Variants in KCND3 observed in about 807,000 individuals in gnomAD.
KCND3 encodes A-type voltage-gated potassium channel KCND3.
A neutral mutation model predicts 51.1 loss-of-function variants in KCND3; 9 were observed. The ratio of observed to expected loss-of-function variants is 0.18; its 90% CI spans 0.11 to 0.31. The LOEUF is 0.31. Ranked by LOEUF, KCND3 falls within the 10% of genes least tolerant of loss-of-function variation. The pLI is 1.00. For synonymous variants in KCND3, 349 were observed against 368.0 expected (o/e 0.95, Z 0.59); for missense variants, 526 against 903.8 (o/e 0.58, Z 5.36).
rs115404274 is a variant in KCND3 at position 111,973,951 on chromosome 1, T to C, written c.1106+7670A>G. Among the ~76,000 whole-genome samples the C allele has an allele frequency of 7.1e-3, 1,083 of 152,340 alleles. 10 individuals are homozygous for C. Among genetic ancestry groups the C allele is most frequent in the African/African-American group, 0.025 (1,025 of 41,566 alleles). On this transcript the variant is annotated intron_variant, in intron 2 of 7. Transcript: ENST00000302127. Reference sequence around the variant, plus strand: ...TAGCTTGTGTATGAGGTGGCACTTATATTAAAATGATTTTTCTGATTCAGT... The same window carrying C: ...TAGCTTGTGTATGAGGTGGCACTTACATTAAAATGATTTTTCTGATTCAGT...
intron 2 of KCND3, among the ~76,000 whole-genome samples, chr1:111,808,478 G>A (rs145833727): frequency 1.1e-3 from 167 of 152,346 alleles, no homozygotes; most frequent in South Asian, 0.01. Context: ...AAATGCAAGG[G>A]CTTGCTTATG....
intron 2 of KCND3, among the ~76,000 whole-genome samples, chr1:111,886,068 T>C (rs906945935): frequency 2.6e-5 from 4 of 152,240 alleles, no homozygotes; most frequent in Non-Finnish European, 4.4e-5. Flanking sequence ...TCAAATGCAA[T>C]GCAATTGAAC....
rs369361457 is a variant in KCND3 at position 111,981,686 on chromosome 1, C to T, written c.1041G>A (p.Ser347=). Residue 347 remains serine (S), a synonymous_variant, in exon 2 of 8, where the codon TCG becomes TCA. Transcript: ENST00000302127. This position sits in a 1 kb window ranked among gnomAD's most constrained non-coding sequence, Gnocchi z 6.2. The stretch of plus-strand genomic sequence containing the variant: ...CAGGGATGCTTGTGAACTTGCTGGC[C>T]GAGGAGCCCTTCTCGGCATAAAACA... ...TVMFYAEKGS[S]ASKFTSIPAS... is the part of the protein sequence containing the mutation. 46 of 1,614,042 alleles carry T rather than the reference C, an allele frequency of 2.8e-5. No individual in the cohort carries two copies. The highest frequency in any genetic ancestry group is 3.6e-5 in the Non-Finnish European group (43 of 1,180,010).
At chr1:111,929,385 G>A (rs1402503016) in intron 2 of KCND3, among the ~76,000 whole-genome samples, 1 of 152,216 alleles carries the variant, frequency 6.6e-6, no homozygotes, top group Non-Finnish European at 1.5e-5. Flanking sequence ...AATCAGGGAA[G>A]TCATTCAAGC....
chr1:111,956,813 G>C (rs1673366380), intron 2 of KCND3, among the ~76,000 whole-genome samples: 1 of 152,178 alleles, frequency 6.6e-6, no homozygotes, highest in Admixed American at 6.5e-5. Flanking sequence ...AATGAGGACA[G>C]TAGCCCTATC....
chr1:111,869,038 G>C (rs1224152321), intron 2 of KCND3, among the ~76,000 whole-genome samples: 1 of 152,070 alleles, frequency 6.6e-6, no homozygotes, highest in Non-Finnish European at 1.5e-5. Flanking sequence ...TGACTCCAAG[G>C]CCTGTCCCCT....
At chr1:111,940,127 C>A (rs1672443180) in intron 2 of KCND3, among the ~76,000 whole-genome samples, 1 of 102,546 alleles carries the variant, frequency 9.8e-6, no homozygotes, top group African/African-American at 3.7e-5. Flanking sequence ...GGATATTAGC[C>A]CTTTGTCAGA....
At chr1:111,980,235 T>G (rs1185980991) in intron 2 of KCND3, among the ~76,000 whole-genome samples, 3 of 151,824 alleles carry the variant, frequency 2.0e-5, no homozygotes, top group East Asian at 1.9e-4. Flanking sequence ...TGTGTGTGTG[T>G]GTGGGTTGGA....
At chr1:111,975,520 C>T (rs1244186413) in intron 2 of KCND3, among the ~76,000 whole-genome samples, 2 of 152,176 alleles carry the variant, frequency 1.3e-5, no homozygotes, top group African/African-American at 4.8e-5. Context: ...CACCCTCAGT[C>T]CCAGCCACCT....
At chr1:111,836,359 G>T (rs1259107596) in intron 2 of KCND3, among the ~76,000 whole-genome samples, 1 of 152,164 alleles carries the variant, frequency 6.6e-6, no homozygotes, top group Non-Finnish European at 1.5e-5. Flanking sequence ...GCACCAGCCC[G>T]ATCGCACTCC....
At position 111,780,333 on chromosome 1, in the gene KCND3, A is replaced by T; in HGVS notation, c.1372-19T>A. 1.3e-6 allele frequency: 2 copies of T among 1,552,686 alleles called. No homozygotes were observed. The highest frequency in any genetic ancestry group is 1.7e-6 in the Non-Finnish European group (2 of 1,146,488). On this transcript the variant is annotated intron_variant, in intron 4 of 7. Transcript: ENST00000302127. The surrounding 1 kb of genome is among the most constrained non-coding windows in gnomAD (Gnocchi z 4.2). ...GGGTGCCCTAGTAAAAAAAGAAGAG[A>T]GATTGAGTAAAAAGCTGGTGGCTCT...
At chr1:111,932,910 A>G (rs906086158) in intron 2 of KCND3, among the ~76,000 whole-genome samples, 3 of 152,188 alleles carry the variant, frequency 2.0e-5, no homozygotes, top group African/African-American at 7.2e-5. Flanking sequence ...CCAGCCATCT[A>G]TTAGCTGCTT....
chr1:111,958,884 T>G (rs951582448), intron 2 of KCND3, among the ~76,000 whole-genome samples: 6 of 152,176 alleles, frequency 3.9e-5, no homozygotes, highest in African/African-American at 1.4e-4. Context: ...AATCTCTCGA[T>G]TAGTTTTTAC....
intron 2 of KCND3, among the ~76,000 whole-genome samples, chr1:111,831,731 A>C (rs1345260458): frequency 6.6e-6 from 1 of 152,148 alleles, no homozygotes; most frequent in Non-Finnish European, 1.5e-5. Context: ...AGCTGGCCCC[A>C]CGAGAATCAC....
intron 2 of KCND3, among the ~76,000 whole-genome samples, chr1:111,932,311 C>T (rs1672013604): frequency 6.6e-6 from 1 of 152,210 alleles, no homozygotes. Context: ...CTTTATCCTG[C>T]CTCCCACAAG....
chr1:111,846,530 A>G (rs1667559646), intron 2 of KCND3, among the ~76,000 whole-genome samples: 1 of 152,130 alleles, frequency 6.6e-6, no homozygotes, highest in Non-Finnish European at 1.5e-5. Context: ...CCTATGGACA[A>G]TGGAGCTAGA....
intron 2 of KCND3, among the ~76,000 whole-genome samples, chr1:111,839,355 C>T (rs1309818519): frequency 6.6e-6 from 1 of 152,232 alleles, no homozygotes; most frequent in Admixed American, 6.5e-5. Flanking sequence ...TTTCCTCACT[C>T]TTCTCCAGAG....
At chr1:111,903,381 C>T (rs1199371226) in intron 2 of KCND3, among the ~76,000 whole-genome samples, 1 of 152,184 alleles carries the variant, frequency 6.6e-6, no homozygotes, top group Admixed American at 6.5e-5. Flanking sequence ...AATGTCCCTG[C>T]TAGCATCCAG....
chr1:111,808,272 T>G (rs1012274169), intron 2 of KCND3, among the ~76,000 whole-genome samples: 1 of 152,264 alleles, frequency 6.6e-6, no homozygotes, highest in African/African-American at 2.4e-5. Context: ...TCTGATTCAC[T>G]TGGCCTGACG....
Sources: allele counts gnomAD v4.1 joint callset (sites outside exome capture counted in the v4.1 genomes callset), GRCh38; gene constraint gnomAD v4.1.1; non-coding constraint Gnocchi (gnomAD v3.1); transcripts MANE v1.5; gene names NCBI Gene and HGNC (gene_info 2026-07-23, HGNC 2026-07-21).